Variants in PTOV1 observed in about 807,000 individuals in gnomAD.
The protein encoded by PTOV1 is PTOV1 extended AT-hook containing adaptor protein.
A neutral mutation model predicts 58.0 loss-of-function variants in PTOV1; 20 were observed. The ratio of observed to expected loss-of-function variants is 0.34; its 90% CI spans 0.24 to 0.50. The LOEUF is 0.50. Ranked by LOEUF, PTOV1 falls within the 20% of genes least tolerant of loss-of-function variation. The pLI is 0.98. For synonymous variants in PTOV1, 335 were observed against 234.2 expected (o/e 1.43, Z -3.93); for missense variants, 593 against 565.4 (o/e 1.05, Z -0.50).
chr19:49,854,705 C>T (rs756773891), exon 3 of PTOV1: 2 of 1,613,400 alleles, frequency 1.2e-6, no homozygotes, highest in African/African-American at 1.3e-5. Context: ...CCCTGCCCTG[C>T]CAAGCCTACG....
chr19:49,852,405 AGTT>A (rs1397391722), intron 1 of PTOV1: 2 of 152,192 alleles, frequency 1.3e-5, no homozygotes, highest in African/African-American at 2.4e-5. Context: ...ATTCGCATCT[AGTT>A]GTTCAAAAGT....
intron 1 of PTOV1, among the ~76,000 whole-genome samples, chr19:49,853,483 C>G (rs2074335260): frequency 6.8e-6 from 1 of 146,388 alleles, no homozygotes; most frequent in Admixed American, 6.9e-5. Context: ...TGGTGAAACC[C>G]CATCTCTACT....
chr19:49,853,653 C>T (rs551854559), intron 1 of PTOV1, among the ~76,000 whole-genome samples: 2 of 152,166 alleles, frequency 1.3e-5, no homozygotes, highest in South Asian at 2.1e-4. Flanking sequence ...GGGAGAGTGC[C>T]TGTGAGTAGC....
At chr19:49,851,381 G>A in exon 1 of PTOV1, 2 of 1,155,748 alleles carry the variant, frequency 1.7e-6, no homozygotes, top group Non-Finnish European at 2.1e-6. Context: ...GGCCCCCTCG[G>A]GGGTCGCGGC....
chr19:49,855,173 C>T (rs1301339714), intron 5 of PTOV1, 96 bp downstream of exon 5: 4 of 1,249,820 alleles, frequency 3.2e-6, no homozygotes, highest in Non-Finnish European at 3.4e-6. Flanking sequence ...GGGGGGTCTC[C>T]CCTGGGGCCG....
At chr19:49,851,475 C>G in exon 1 of PTOV1, 1 of 1,221,360 alleles carries the variant, frequency 8.2e-7, no homozygotes, top group South Asian at 4.1e-5. Flanking sequence ...CTCCGCGGAT[C>G]CGGGCCCGCT....
upstream of PTOV1, chr19:49,850,747 C>T: frequency 9.3e-7 from 1 of 1,074,784 alleles, no homozygotes. Context: ...CTGTCTCAGG[C>T]TCGGGTGCAA....
In PTOV1 at chr19:49,860,137, A is replaced by G. The variant is rs149362372; in HGVS notation, c.1193A>G (p.Gln398Arg). ...ATCCGGCGTGTCATTGCCAACCAGC[A>G]GCAGGTCCTGCAGCGGAACCTGGAG... is the stretch of plus-strand genomic sequence containing the variant. The change falls in exon 11 of 12, where the codon CAG (glutamine) becomes CGG (arginine). Residue 398 changes from glutamine (Q) to arginine (R), a missense_variant. Physicochemically the swap from Gln to Arg is conservative, Grantham distance 43. Coordinates refer to ENST00000391842, the Ensembl canonical transcript of PTOV1. 1.5e-4 allele frequency: 247 copies of G among 1,614,216 alleles called. No homozygotes were observed. The highest frequency in any genetic ancestry group is 2.0e-4 in the Non-Finnish European group (235 of 1,180,030).
At position 49,858,775 on chromosome 19, in the gene PTOV1, G is replaced by A. The variant is rs936643420; in HGVS notation, c.1041+122G>A. ...TGTCCCAGACCAGCTGGGGAGAGAG[G>A]GTGGCTAGTGTGGGCGTGACTTCTG... On this transcript the variant is annotated intron_variant, in intron 10 of 11. Coordinates refer to ENST00000391842, the Ensembl canonical transcript of PTOV1. 9.4e-6 allele frequency: 8 copies of A among 851,004 alleles called. No individual in the cohort carries two copies. In the African/African-American group the frequency reaches 1.2e-4, roughly 13 times the overall value. 52.7% of individuals were successfully genotyped at this position (851,004 alleles called of 1,614,324 possible). A position where few individuals can be genotyped will look rare whatever the true frequency, so the allele number is the denominator to read the frequency against.
chr19:49,858,344 C>T (rs1600393773), intron 9 of PTOV1: 7 of 690,992 alleles, frequency 1.0e-5, no homozygotes, highest in South Asian at 1.9e-5. Context: ...CCACGACCTG[C>T]ACCTGGGGGG....
chr19:49,851,004 T>C, upstream of PTOV1: 2 of 1,533,344 alleles, frequency 1.3e-6, no homozygotes, highest in Non-Finnish European at 1.7e-6. Flanking sequence ...GGCTCGCGCG[T>C]CTTCCCAGGA....
intron 1 of PTOV1, chr19:49,852,301 TC>T (rs2122170743): frequency 6.4e-6 from 1 of 156,216 alleles, no homozygotes; most frequent in Non-Finnish European, 1.4e-5. Flanking sequence ...TAAACAGGCT[TC>T]CTGGGGTCAT....
At chr19:49,854,529 C>T in exon 2 of PTOV1, 3 of 1,613,086 alleles carry the variant, frequency 1.9e-6, no homozygotes, top group Non-Finnish European at 2.5e-6. Context: ...GAGCGGCGTC[C>T]TCGAGTGGCA....
chr19:49,851,451 C>T (rs2074242855), exon 1 of PTOV1: 2 of 1,221,556 alleles, frequency 1.6e-6, no homozygotes, highest in Non-Finnish European at 2.0e-6. Flanking sequence ...CTGCCAGCCC[C>T]CGAGGCCCGC....
rs2074236321 is a variant in PTOV1, at chr19:49,851,344, C to T, written c.16C>T (p.Arg6Cys). 2 of 1,089,110 alleles carry T rather than the reference C, an allele frequency of 1.8e-6. No homozygotes were observed. Among genetic ancestry groups the T allele is most frequent in the Admixed American group, 5.2e-5 (1 of 19,146 alleles). The allele number at this position is 1,089,110 out of a possible 1,614,324, so 67.5% of individuals were successfully genotyped here. Residue 6 changes from arginine to cysteine, a missense_variant, in exon 1 of 12, where the codon CGT (arginine) becomes TGT (cysteine). Arg to Cys is a radical substitution (Grantham distance 180). Coordinates refer to ENST00000391842, the Ensembl canonical transcript of PTOV1. ...CGCGCCCGCCATGGTCCGTCCGCGC[C>T]GTGCCCCGTACCGCTCCGGCGCCGG...
chr19:49,858,622 A>G (rs1170064853), exon 10 of PTOV1: 8 of 1,604,120 alleles, frequency 5.0e-6, no homozygotes, highest in Non-Finnish European at 6.8e-6. Context: ...GAGACACTGA[A>G]GAGCCTGTGC....
upstream of PTOV1, chr19:49,850,779 C>CT (rs2074209674): frequency 7.0e-7 from 1 of 1,432,310 alleles, no homozygotes; most frequent in African/African-American, 1.4e-5. Flanking sequence ...AGTGGGTTCC[C>CT]TTTCAGTGGG....
chr19:49,854,680 C>T (rs1486197564), exon 3 of PTOV1: 1 of 1,613,522 alleles, frequency 6.2e-7, no homozygotes. Context: ...GACTCCACTG[C>T]AAAGCTGAAG....
At chr19:49,857,059 A>G (rs201050859) in exon 6 of PTOV1, 3 of 1,614,092 alleles carry the variant, frequency 1.9e-6, no homozygotes, top group Non-Finnish European at 2.5e-6. Context: ...GAAGATCTTC[A>G]TGGGCCTCAT....
Sources: allele counts gnomAD v4.1 joint callset (sites outside exome capture counted in the v4.1 genomes callset), GRCh38; gene constraint gnomAD v4.1.1; transcripts MANE v1.5; gene names NCBI Gene and HGNC (gene_info 2026-07-23, HGNC 2026-07-21).